Variants in LINGO2 observed in about 807,000 individuals in gnomAD.
LINGO2 encodes leucine-rich repeat and immunoglobulin-like domain-containing nogo receptor-interacting protein 2.
LINGO2 carries 14 observed loss-of-function variants against 30.6 expected under a neutral mutation model. That is an observed-to-expected ratio of 0.46 (90% CI 0.30 to 0.72). The LOEUF (loss-of-function observed/expected upper bound fraction) is 0.72. LINGO2 is among the 30% of genes least tolerant of loss of function. LINGO2 has a pLI of 0.07. For missense variants in LINGO2, 729 were observed against 751.7 expected, an observed-to-expected ratio of 0.97 and a Z score of 0.35; for synonymous variants, 317 against 288.5, an observed-to-expected ratio of 1.10 and a Z score of -1.00.
At chr9:28,324,780 A>G (rs1825166456) in intron 3 of LINGO2, among the ~76,000 whole-genome samples, 1 of 152,168 alleles carries the variant, frequency 6.6e-6, no homozygotes, top group Admixed American at 6.5e-5. Context: ...ACCCTTGTTT[A>G]ACATATAATC....
At chr9:28,280,787 G>A (rs1823293999) in intron 4 of LINGO2, among the ~76,000 whole-genome samples, 1 of 152,140 alleles carries the variant, frequency 6.6e-6, no homozygotes, top group Non-Finnish European at 1.5e-5. Flanking sequence ...CTCCCAGCAT[G>A]AGGCAAGCTT....
chr9:28,964,070 C>T, the LINGO2 span, among the ~76,000 whole-genome samples: 29 of 151,742 alleles, frequency 1.9e-4, no homozygotes, highest in African/African-American at 6.0e-4. Flanking sequence ...TATATGTGTA[C>T]ACACATCCCC....
chr9:28,615,916 T>C (rs1324973163), intron 1 of LINGO2, among the ~76,000 whole-genome samples: 1 of 152,130 alleles, frequency 6.6e-6, no homozygotes, highest in African/African-American at 2.4e-5. Flanking sequence ...GAAAAGAATA[T>C]ATACTGTATG....
the LINGO2 span, among the ~76,000 whole-genome samples, chr9:29,189,308 G>T: frequency 6.6e-6 from 1 of 151,526 alleles, no homozygotes; most frequent in Non-Finnish European, 1.5e-5. Context: ...GGTGGCTGCC[G>T]GGCGGAGACG....
At chr9:29,184,060 C>T in the LINGO2 span, among the ~76,000 whole-genome samples, 8 of 152,080 alleles carry the variant, frequency 5.3e-5, no homozygotes, top group Admixed American at 4.6e-4. Context: ...ATCTAAAGCA[C>T]CACACATGAG....
Position 28,363,576 on chromosome 9 carries a change from C to T in LINGO2, c.-246+9260G>A, listed in dbSNP as rs147678117. ...CATCATCAGCAAAAAGGGTGGAACA[C>T]AGGACTTTATTATTATTTGTCCTTT... is the stretch of plus-strand genomic sequence containing the variant. On this transcript the variant is annotated intron_variant, in intron 3 of 5. Transcript: ENST00000379992. 5.9e-3 allele frequency among the ~76,000 whole-genome samples: 905 copies of T among 152,252 alleles called. 8 individuals are homozygous for T. Among genetic ancestry groups the T allele is most frequent in the African/African-American group, 0.021 (870 of 41,556 alleles).
chr9:27,949,261 G>A (rs779685785), exon 6 of LINGO2: 10 of 1,614,006 alleles, frequency 6.2e-6, no homozygotes, highest in Non-Finnish European at 8.5e-6. Context: ...TGGGCAAAGC[G>A]GATTTCCAAG....
chr9:27,967,958 A>C (rs1194473324), intron 5 of LINGO2, among the ~76,000 whole-genome samples: 1 of 152,184 alleles, frequency 6.6e-6, no homozygotes, highest in African/African-American at 2.4e-5. Context: ...CTGTAATAAC[A>C]TATTTTTTGC....
At chr9:28,586,105 A>C (rs954327435) in intron 1 of LINGO2, among the ~76,000 whole-genome samples, 9 of 152,072 alleles carry the variant, frequency 5.9e-5, no homozygotes, top group African/African-American at 2.2e-4. Context: ...GTTTTAGAAA[A>C]TGGATTTAGA....
chr9:28,117,983 T>C (rs1353097796), intron 4 of LINGO2, among the ~76,000 whole-genome samples: 1 of 152,122 alleles, frequency 6.6e-6, no homozygotes, highest in African/African-American at 2.4e-5. Flanking sequence ...AATTCAACCA[T>C]TGTGGAAAAC....
chr9:28,324,071 T>A (rs2134313412), intron 3 of LINGO2, among the ~76,000 whole-genome samples: 1 of 152,278 alleles, frequency 6.6e-6, no homozygotes, highest in South Asian at 2.1e-4. Flanking sequence ...GAGGAAATTA[T>A]TTGTCTAAAG....
intron 1 of LINGO2, among the ~76,000 whole-genome samples, chr9:28,484,135 A>G (rs989644936): frequency 1.3e-5 from 2 of 151,562 alleles, no homozygotes; most frequent in African/African-American, 4.8e-5. Context: ...ATTGCTGATG[A>G]GGTTTGACTA....
chr9:28,217,573 T>G (rs1038285510), intron 4 of LINGO2, among the ~76,000 whole-genome samples: 5 of 152,072 alleles, frequency 3.3e-5, no homozygotes, highest in African/African-American at 1.2e-4. Context: ...CTTGGAAGTC[T>G]TATTTTTTTC....
intron 1 of LINGO2, among the ~76,000 whole-genome samples, chr9:28,627,217 A>ACAAGACC: frequency 6.6e-6 from 1 of 152,162 alleles, no homozygotes; most frequent in East Asian, 1.9e-4. Context: ...TGTTCCAGGT[A>ACAAGACC]TTTATGAAGG....
the LINGO2 span, among the ~76,000 whole-genome samples, chr9:29,048,135 A>C: frequency 6.6e-6 from 1 of 151,796 alleles, no homozygotes; most frequent in African/African-American, 2.4e-5. Flanking sequence ...TAAAAATAAA[A>C]TAAAATAAAT....
intron 4 of LINGO2, among the ~76,000 whole-genome samples, chr9:28,054,561 T>TA (rs1443916534): frequency 2.0e-5 from 3 of 152,140 alleles, no homozygotes; most frequent in East Asian, 1.9e-4. Flanking sequence ...ATTAACTGTT[T>TA]AAAAAATTTT....
the LINGO2 span, among the ~76,000 whole-genome samples, chr9:28,728,467 A>C: frequency 3.9e-5 from 6 of 152,148 alleles, no homozygotes; most frequent in African/African-American, 1.4e-4. Flanking sequence ...AATAAATCAT[A>C]TAAAAAGAAT....
At chr9:28,413,138 C>G (rs968945860) in intron 2 of LINGO2, among the ~76,000 whole-genome samples, 1 of 151,968 alleles carries the variant, frequency 6.6e-6, no homozygotes, top group African/African-American at 2.4e-5. Flanking sequence ...TATTAATAAG[C>G]CTTCCAGATA....
intron 5 of LINGO2, among the ~76,000 whole-genome samples, chr9:27,991,280 G>A (rs570892804): frequency 5.3e-5 from 8 of 152,124 alleles, no homozygotes; most frequent in African/African-American, 1.7e-4. Flanking sequence ...GAGTTATTGA[G>A]GGTGTCTACA....
Sources: allele counts gnomAD v4.1 joint callset (sites outside exome capture counted in the v4.1 genomes callset), GRCh38; gene constraint gnomAD v4.1.1; transcripts MANE v1.5; gene names NCBI Gene and HGNC (gene_info 2026-07-23, HGNC 2026-07-21).